The following KALRN variants were observed in gnomAD, a reference collection of about 807,000 sequenced individuals.
KALRN encodes the protein kalirin RhoGEF kinase.
A neutral mutation model predicts 353.7 loss-of-function variants in KALRN; 70 were observed. That is an observed-to-expected ratio of 0.20 (90% CI 0.16 to 0.24). The LOEUF is 0.24. Among genes scored for constraint, KALRN ranks in the 10% least tolerant of loss-of-function variants. The pLI is 1.00. For synonymous variants in KALRN, 1,391 were observed against 1,434.8 expected, an observed-to-expected ratio of 0.97 and a Z score of 0.69; for missense variants, 2,791 against 3,756.7, an observed-to-expected ratio of 0.74 and a Z score of 6.72.
At chr3:124,035,243 T>TACAC (rs753228162) in intron 1 of KALRN, among the ~76,000 whole-genome samples, 1 of 151,622 alleles carries the variant, frequency 6.6e-6, no homozygotes, top group East Asian at 1.9e-4. Context: ...CTCTCTCTCA[T>TACAC]ACACACACAG....
At chr3:124,203,784 T>C (rs1227566357) in intron 1 of KALRN, among the ~76,000 whole-genome samples, 1 of 152,166 alleles carries the variant, frequency 6.6e-6, no homozygotes, top group Non-Finnish European at 1.5e-5. Context: ...CCTCCAAAGG[T>C]AGCTAACAAA....
chr3:124,519,244 T>C (rs2066953827), intron 33 of KALRN: 3 of 957,916 alleles, frequency 3.1e-6, no homozygotes, highest in Middle Eastern at 1.1e-3. Flanking sequence ...ATGTTGATAA[T>C]TGTTGAAACT....
intron 18 of KALRN, 110 bp from the exon 19 acceptor site, chr3:124,441,832 GAAA>G (rs11303558): frequency 1.7e-4 from 83 of 498,932 alleles, no homozygotes; most frequent in Middle Eastern, 5.8e-4. Flanking sequence ...TCTCAAAAAA[GAAA>G]AAAAAAAAAA....
intron 3 of KALRN, among the ~76,000 whole-genome samples, chr3:124,262,939 A>G (rs2073069313): frequency 6.6e-6 from 1 of 152,210 alleles, no homozygotes; most frequent in South Asian, 2.1e-4. Context: ...TGGTATTTAT[A>G]TTTTAAAATG....
At chr3:124,051,797 G>T (rs987342192) in intron 1 of KALRN, among the ~76,000 whole-genome samples, 1 of 152,218 alleles carries the variant, frequency 6.6e-6, no homozygotes, top group Non-Finnish European at 1.5e-5. Flanking sequence ...CTAGTTGCCT[G>T]GCAAGTCAAG....
chr3:124,415,589 C>T (rs936668157), intron 14 of KALRN, among the ~76,000 whole-genome samples: 1 of 152,170 alleles, frequency 6.6e-6, no homozygotes, highest in East Asian at 1.9e-4. Context: ...CACAAGAGTA[C>T]GTGGCAATGT....
chr3:124,601,919 A>C (rs2076842259), intron 34 of KALRN, among the ~76,000 whole-genome samples: 2 of 151,870 alleles, frequency 1.3e-5, no homozygotes, highest in Non-Finnish European at 2.9e-5. Flanking sequence ...CCAGCTACTC[A>C]GTAGGCTGAG....
At chr3:124,420,606 C>T (rs989424688) in intron 14 of KALRN, among the ~76,000 whole-genome samples, 1 of 152,124 alleles carries the variant, frequency 6.6e-6, no homozygotes, top group South Asian at 2.1e-4. Context: ...GCCAAAAGAA[C>T]AAGCCGTTCT....
intron 6 of KALRN, among the ~76,000 whole-genome samples, chr3:124,314,543 T>C (rs1212236677): frequency 2.0e-5 from 3 of 152,050 alleles, no homozygotes; most frequent in Non-Finnish European, 4.4e-5. Flanking sequence ...ATAAAGAGGT[T>C]TGTCTGGCTC....
At chr3:124,453,871 A>G (rs528860764) in intron 21 of KALRN, among the ~76,000 whole-genome samples, 1 of 152,218 alleles carries the variant, frequency 6.6e-6, no homozygotes, top group African/African-American at 2.4e-5. Flanking sequence ...TAAAATTCCT[A>G]TAGTGTTAAC....
At chr3:124,426,433 G>A (rs1178864620) in intron 15 of KALRN, among the ~76,000 whole-genome samples, 2 of 152,162 alleles carry the variant, frequency 1.3e-5, no homozygotes, top group Non-Finnish European at 2.9e-5. Context: ...ATACAACTAT[G>A]TCATTAGAGC....
chr3:124,043,827 G>A (rs1276120100), intron 1 of KALRN, among the ~76,000 whole-genome samples: 1 of 152,160 alleles, frequency 6.6e-6, no homozygotes, highest in Non-Finnish European at 1.5e-5. Context: ...CTAGGCTGTA[G>A]TGGGGTCTGC....
intron 10 of KALRN, among the ~76,000 whole-genome samples, chr3:124,364,556 C>T (rs1462753997): frequency 3.9e-5 from 6 of 152,174 alleles, no homozygotes; most frequent in Admixed American, 2.6e-4. Context: ...AGCCAGAGGT[C>T]CCAGATGGCC....
chr3:124,360,208 C>G (rs544052322), intron 10 of KALRN, among the ~76,000 whole-genome samples: 1 of 152,144 alleles, frequency 6.6e-6, no homozygotes. Flanking sequence ...CTTGGGGTAC[C>G]TGGTAAGGTA....
At chr3:124,200,231 C>G (rs1160675562) in intron 1 of KALRN, among the ~76,000 whole-genome samples, 2 of 152,202 alleles carry the variant, frequency 1.3e-5, no homozygotes, top group Non-Finnish European at 2.9e-5. Context: ...TCTTTCTGAG[C>G]CTCTCCCTCA....
intron 51 of KALRN, among the ~76,000 whole-genome samples, chr3:124,689,671 G>A (rs1214290351): frequency 6.6e-6 from 1 of 152,150 alleles, no homozygotes; most frequent in Non-Finnish European, 1.5e-5. Context: ...AGACAAGGTG[G>A]TCAGGAAGCC....
chr3:124,148,779 A>G (rs1023649844), intron 1 of KALRN, among the ~76,000 whole-genome samples: 1 of 152,164 alleles, frequency 6.6e-6, no homozygotes, highest in South Asian at 2.1e-4. Flanking sequence ...AGGTTATTAT[A>G]TATTCATATA....
At chr3:124,664,334 A>AGT (rs750940277) in intron 45 of KALRN, among the ~76,000 whole-genome samples, 1,472 of 126,848 alleles carry the variant, frequency 0.012, 15 homozygotes, top group East Asian at 0.02. Context: ...TGTACATGTG[A>AGT]GTGTGTGTGT....
intron 34 of KALRN, among the ~76,000 whole-genome samples, chr3:124,567,605 C>G (rs1432211094): frequency 6.6e-6 from 1 of 152,132 alleles, no homozygotes; most frequent in Admixed American, 6.5e-5. Context: ...ACAGGCCCCT[C>G]TCACTTTCAC....
Sources: gnomAD v4.1 joint callset for allele counts (sites outside exome capture counted in the v4.1 genomes callset) on GRCh38, gnomAD v4.1.1 for gene constraint, MANE v1.5 for transcripts, NCBI Gene and HGNC (gene_info 2026-07-23, HGNC 2026-07-21) for gene names.